NF1: variants seen among roughly 807,000 people sequenced by gnomAD.
The protein encoded by NF1 is neurofibromin 1, also known as neurofibromin.
In NF1, 122 loss-of-function variants were observed where a neutral mutation model predicts 325.7. The ratio of observed to expected loss-of-function variants is 0.37; its 90% CI spans 0.32 to 0.44. The LOEUF is 0.44. Ranked by LOEUF, NF1 falls within the 20% of genes least tolerant of loss-of-function variation. The probability of loss-of-function intolerance (pLI) is 1.00; values close to 1 mark genes in which losing one functional copy is unlikely to be tolerated. For missense variants in NF1, 2,140 were observed against 3,415.4 expected (o/e 0.63, Z 9.31); for synonymous variants, 1,091 against 1,186.0 (o/e 0.92, Z 1.65).
intron 24 of NF1, 53 bp downstream of exon 24, chr17:31,230,978 A>G: frequency 7.6e-7 from 1 of 1,314,824 alleles, no homozygotes; most frequent in Non-Finnish European, 1.1e-6. Flanking sequence ...GAGAGTTATA[A>G]CTACTTAATT....
chr17:31,260,056 G>C (rs2067656513), intron 33 of NF1, among the ~76,000 whole-genome samples: 2 of 152,052 alleles, frequency 1.3e-5, no homozygotes, highest in Admixed American at 1.3e-4. Context: ...TATATCTTTG[G>C]GGAGGTCTTT....
intron 48 of NF1, among the ~76,000 whole-genome samples, chr17:31,345,224 A>G (rs1442517867): frequency 6.6e-6 from 1 of 152,178 alleles, no homozygotes; most frequent in African/African-American, 2.4e-5. Context: ...CAAAGATCAA[A>G]TTTATCCTCT....
At chr17:31,202,764 T>C (rs953105018) in intron 11 of NF1, among the ~76,000 whole-genome samples, 1 of 152,196 alleles carries the variant, frequency 6.6e-6, no homozygotes, top group African/African-American at 2.4e-5. Context: ...GAAAGTTTAA[T>C]GAAGATTGTA....
At chr17:31,141,498 T>C (rs1244887567) in intron 1 of NF1, among the ~76,000 whole-genome samples, 1 of 152,212 alleles carries the variant, frequency 6.6e-6, no homozygotes, top group Non-Finnish European at 1.5e-5. Flanking sequence ...AATGTTATCC[T>C]TTCTGTAGCC....
At chr17:31,349,494 A>G (rs548976538) in intron 49 of NF1, among the ~76,000 whole-genome samples, 1 of 152,204 alleles carries the variant, frequency 6.6e-6, no homozygotes, top group Non-Finnish European at 1.5e-5. Context: ...AAGACACTAC[A>G]GTGGCTCTCT....
At position 31,375,205 on chromosome 17, in the gene NF1, T is replaced by C. The variant is rs543697923; in HGVS notation, c.*1050T>C. ...GATATTTTTATTTTGTTAAATAATT[T>C]CCAAGAATAGAGTATGGTGTATATT... is the stretch of plus-strand genomic sequence containing the variant. On this transcript the variant is annotated 3_prime_UTR_variant, in exon 58 of 58. Coordinates refer to ENST00000358273, the MANE Select transcript of NF1 (RefSeq NM_001042492.3). The C allele has an allele frequency of 4.5e-6, 1 of 224,484 alleles. No individual in the cohort carries two copies. Among genetic ancestry groups the C allele is most frequent in the African/African-American group, 2.2e-5 (1 of 45,022 alleles). 13.9% of individuals were successfully genotyped at this position (224,484 alleles called of 1,614,324 possible).
chr17:31,370,213 G>A (rs2070608142), intron 57 of NF1, among the ~76,000 whole-genome samples: 1 of 152,128 alleles, frequency 6.6e-6, no homozygotes, highest in South Asian at 2.1e-4. Context: ...AAAAGAAGTA[G>A]AATATCAACT....
chr17:31,114,645 G>A (rs1274095964), intron 1 of NF1, among the ~76,000 whole-genome samples: 3 of 151,950 alleles, frequency 2.0e-5, no homozygotes, highest in African/African-American at 7.2e-5. Flanking sequence ...CACAAGGTCA[G>A]GAGTTTGAGA....
At chr17:31,362,235 A>T (rs1189147075) in intron 57 of NF1, 1 of 863,682 alleles carries the variant, frequency 1.2e-6, no homozygotes, top group East Asian at 1.2e-4. Context: ...GCCCATTATC[A>T]GCATTTCAGC....
chr17:31,258,892 A>G (rs2067632444), intron 32 of NF1, 140 bp from the exon 33 acceptor site: 1 of 574,628 alleles, frequency 1.7e-6, no homozygotes, highest in Non-Finnish European at 3.1e-6. Flanking sequence ...AAAATAATTT[A>G]TAGAATGAGG....
At chr17:31,206,636 T>C (rs2066628525) in intron 12 of NF1, among the ~76,000 whole-genome samples, 1 of 152,170 alleles carries the variant, frequency 6.6e-6, no homozygotes, top group African/African-American at 2.4e-5. Flanking sequence ...ACCTTTTTTT[T>C]CTGTTTTTAA....
intron 30 of NF1, chr17:31,250,053 G>A: frequency 2.0e-6 from 1 of 489,832 alleles, no homozygotes. Context: ...GTTTGAGGCT[G>A]CTCTATGTGA....
intron 31 of NF1, among the ~76,000 whole-genome samples, chr17:31,257,995 T>G (rs1018312082): frequency 3.3e-5 from 5 of 152,166 alleles, no homozygotes; most frequent in Non-Finnish European, 7.4e-5. Flanking sequence ...CTTAGTAAAT[T>G]ATGATCATCT....
rs1170836879 is a variant in NF1 at position 31,358,993 on chromosome 17, G to A, written c.8138G>A (p.Arg2713Gln). ...GGTTTTGGTTTTAATGGCTTGTGGC[G>A]GTTTGCAGGACCGTTTTCAAAGGTA... ...LQSFGFNGLW[R>Q]FAGPFSKQTQ... is the part of the protein sequence containing the mutation. Residue 2713 changes from arginine to glutamine, a missense_variant, in exon 56 of 58, where the codon CGG (arginine) becomes CAG (glutamine). By Grantham distance (43) the Arg-to-Gln change is conservative. Transcript: ENST00000358273. 1.2e-6 allele frequency: 2 copies of A among 1,613,650 alleles called. No individual in the cohort carries two copies. Among genetic ancestry groups the A allele is most frequent in the Non-Finnish European group, 1.7e-6 (2 of 1,179,852 alleles).
intron 29 of NF1, among the ~76,000 whole-genome samples, chr17:31,244,087 C>T (rs2067350681): frequency 6.6e-6 from 1 of 152,040 alleles, no homozygotes; most frequent in Admixed American, 6.6e-5. Flanking sequence ...TCCTTCTGGC[C>T]CAGGGTTTGT....
chr17:31,162,434 G>A (rs949483915), intron 3 of NF1, among the ~76,000 whole-genome samples: 10 of 152,196 alleles, frequency 6.6e-5, no homozygotes, highest in African/African-American at 1.2e-4. Flanking sequence ...CTGAGATTGC[G>A]CCCTTGCATA....
intron 1 of NF1, among the ~76,000 whole-genome samples, chr17:31,133,955 C>G (rs759292896): frequency 1.3e-5 from 2 of 152,178 alleles, no homozygotes; most frequent in Non-Finnish European, 2.9e-5. Flanking sequence ...CTGCGTCTGG[C>G]CTTATTTCAT....
chr17:31,292,337 A>G (rs2068359788), intron 36 of NF1, among the ~76,000 whole-genome samples: 1 of 152,248 alleles, frequency 6.6e-6, no homozygotes, highest in African/African-American at 2.4e-5. Context: ...CCAGGAATAT[A>G]GTAATACTTA....
chr17:31,340,786 T>A lies in NF1; in HGVS notation c.7062+141T>A, dbSNP rs2069800346. ...ATAATGTAACTTATTGTGAGTATAT[T>A]TCCTTACCAGCTCATAAAGAACTAT... is the stretch of plus-strand genomic sequence containing the variant. On this transcript the variant is annotated intron_variant, in intron 47 of 57. Coordinates refer to ENST00000358273, the MANE Select transcript of NF1 (RefSeq NM_001042492.3). 4.7e-6 allele frequency: 4 copies of A among 846,064 alleles called. No homozygotes were observed. The Admixed American group carries it at 9.8e-5, about 21-fold the overall frequency. 52.4% of individuals were successfully genotyped at this position (846,064 alleles called of 1,614,324 possible).
Sources: allele counts gnomAD v4.1 joint callset (sites outside exome capture counted in the v4.1 genomes callset), GRCh38; gene constraint gnomAD v4.1.1; transcripts MANE v1.5; gene names NCBI Gene and HGNC (gene_info 2026-07-23, HGNC 2026-07-21).